Variants in ANO3 observed in about 807,000 individuals in gnomAD.
ANO3 encodes anoctamin 3, also known as anoctamin-3.
In ANO3, 99 loss-of-function variants were observed where a neutral mutation model predicts 144.8. The observed-to-expected ratio is 0.68, with a 90% CI of 0.58 to 0.81. ANO3 has a LOEUF of 0.81. ANO3 is among the 30% of genes least tolerant of loss of function. The probability of loss-of-function intolerance (pLI) is 0.00; values close to 1 mark genes in which losing one functional copy is unlikely to be tolerated. For missense variants in ANO3, 905 were observed against 1,202.2 expected (o/e 0.75, Z 3.66); for synonymous variants, 414 against 392.6 (o/e 1.05, Z -0.64).
chr11:26,265,378 A>G (rs1853286568), intron 1 of ANO3, among the ~76,000 whole-genome samples: 1 of 152,198 alleles, frequency 6.6e-6, no homozygotes, highest in Non-Finnish European at 1.5e-5. Flanking sequence ...GACAAGTACT[A>G]GCTATGTCCT....
At chr11:26,279,855 G>T (rs1853640728) in intron 1 of ANO3, among the ~76,000 whole-genome samples, 1 of 152,080 alleles carries the variant, frequency 6.6e-6, no homozygotes, top group African/African-American at 2.4e-5. Context: ...GAATAGGATG[G>T]GAGTAGAATA....
rs561278004 is a variant in ANO3, at chr11:26,438,066, A to G, written c.47-3852A>G. On this transcript the variant is annotated intron_variant, in intron 1 of 26. Coordinates refer to ENST00000256737, the MANE Select transcript of ANO3 (RefSeq NM_031418.4). ...AAAAATAATAAACTGGAAAGTGAGT[A>G]GTACATTCTTAACTTGAAAAAATAT... 4.6e-5 allele frequency among the ~76,000 whole-genome samples: 7 copies of G among 152,312 alleles called. No homozygotes were observed. In the South Asian group the frequency reaches 1.4e-3, roughly 32 times the overall value.
Position 26,635,016 on chromosome 11 carries a change from C to A in ANO3, c.1989C>A (p.Phe663Leu). 6.2e-7 allele frequency: 1 copy of A among 1,612,448 alleles called. No homozygotes were observed. Among genetic ancestry groups the A allele is most frequent in the Non-Finnish European group, 8.5e-7 (1 of 1,178,786 alleles). ...GAACTAAAATGTCTTCTTACAGATTCGTAGGCCACCCAGGAAAATACAATA... is the reference window on the plus strand; with the variant it reads ...GAACTAAAATGTCTTCTTACAGATTAGTAGGCCACCCAGGAAAATACAATA... ...IFYIAFFLGR[F>L]VGHPGKYNKL... Residue 663 changes from phenylalanine to leucine, a missense_variant, in exon 20 of 27, where the codon TTC (phenylalanine) becomes TTA (leucine). This residue lies in a region of ANO3 where 597 missense variants were observed against 865.1 expected (regional missense o/e 0.69). Coordinates refer to ENST00000256737, the MANE Select transcript of ANO3 (RefSeq NM_031418.4).
At chr11:26,605,301 C>A (rs1183017259) in intron 17 of ANO3, among the ~76,000 whole-genome samples, 1 of 152,138 alleles carries the variant, frequency 6.6e-6, no homozygotes, top group African/African-American at 2.4e-5. Flanking sequence ...TTTTGATGTG[C>A]TGCTGGATTC....
At chr11:26,521,878 G>A (rs1862090919) in intron 6 of ANO3, among the ~76,000 whole-genome samples, 1 of 152,122 alleles carries the variant, frequency 6.6e-6, no homozygotes. Flanking sequence ...CAAATTTGGG[G>A]CTATATTTGT....
In ANO3 at chr11:26,550,629, G is replaced by A. The variant is rs183989919; in HGVS notation, c.1290-2620G>A. Among the ~76,000 whole-genome samples the A allele has an allele frequency of 1.3e-3, 195 of 151,870 alleles. 1 individual carries two copies. Among genetic ancestry groups the A allele is most frequent in the African/African-American group, 4.4e-3 (183 of 41,472 alleles). ...TTCTTTTCTAAGACCAAATAATATT[G>A]CATTACACATATATACCACATTTTC... is the stretch of plus-strand genomic sequence containing the variant. On this transcript the variant is annotated intron_variant, in intron 12 of 26. Coordinates refer to ENST00000256737, the MANE Select transcript of ANO3 (RefSeq NM_031418.4).
intron 1 of ANO3, among the ~76,000 whole-genome samples, chr11:26,411,577 TA>T (rs1187358660): frequency 6.6e-6 from 1 of 151,908 alleles, no homozygotes; most frequent in Non-Finnish European, 1.5e-5. Context: ...TCAAAACACT[TA>T]GGAATATGCT....
intron 1 of ANO3, among the ~76,000 whole-genome samples, chr11:26,212,009 G>A (rs1420437486): frequency 3.9e-5 from 6 of 152,084 alleles, no homozygotes; most frequent in African/African-American, 1.4e-4. Context: ...GTTGAACAAT[G>A]AGAACACATA....
chr11:26,557,993 C>A (rs1850138955), intron 13 of ANO3, among the ~76,000 whole-genome samples: 1 of 152,164 alleles, frequency 6.6e-6, no homozygotes, highest in Non-Finnish European at 1.5e-5. Context: ...AATGCTCCTT[C>A]TAGCTTTATC....
At chr11:26,263,019 T>G (rs970816874) in intron 1 of ANO3, among the ~76,000 whole-genome samples, 4 of 152,234 alleles carry the variant, frequency 2.6e-5, no homozygotes, top group African/African-American at 9.6e-5. Flanking sequence ...GTCTGTGTTC[T>G]TATTTTCATC....
chr11:26,291,471 TG>T (rs1853955003), intron 1 of ANO3, among the ~76,000 whole-genome samples: 1 of 152,210 alleles, frequency 6.6e-6, no homozygotes, highest in Admixed American at 6.5e-5. Context: ...CTAGTTATTT[TG>T]TTTGTTAGTT....
At chr11:26,521,849 A>G (rs1380343496) in intron 6 of ANO3, among the ~76,000 whole-genome samples, 1 of 152,184 alleles carries the variant, frequency 6.6e-6, no homozygotes, top group African/African-American at 2.4e-5. Flanking sequence ...TCTTTCTCCC[A>G]CAAATATTTT....
intron 4 of ANO3, among the ~76,000 whole-genome samples, chr11:26,498,590 A>G (rs1180694331): frequency 1.3e-5 from 2 of 150,850 alleles, no homozygotes; most frequent in South Asian, 2.1e-4. Flanking sequence ...ATCAAAAACC[A>G]TATTATAAGA....
intron 9 of ANO3, among the ~76,000 whole-genome samples, chr11:26,536,691 A>G (rs1251187267): frequency 2.0e-5 from 3 of 152,156 alleles, no homozygotes; most frequent in Non-Finnish European, 4.4e-5. Context: ...AAATAGCTGT[A>G]CAATATTCCA....
At chr11:26,413,901 TAC>T (rs1361309411) in intron 1 of ANO3, among the ~76,000 whole-genome samples, 1 of 152,048 alleles carries the variant, frequency 6.6e-6, no homozygotes, top group Non-Finnish European at 1.5e-5. Flanking sequence ...TTAAATTAAG[TAC>T]AGTCAACATA....
chr11:26,240,125 T>C (rs1161983435), intron 1 of ANO3, among the ~76,000 whole-genome samples: 1 of 152,198 alleles, frequency 6.6e-6, no homozygotes. Flanking sequence ...ATCAAAATAA[T>C]AATAGTATTC....
At chr11:26,490,911 G>C (rs1307560508) in intron 4 of ANO3, among the ~76,000 whole-genome samples, 1 of 152,176 alleles carries the variant, frequency 6.6e-6, no homozygotes, top group Admixed American at 6.5e-5. Context: ...TGCCGAATCT[G>C]TTTGCTTTTT....
At chr11:26,525,723 T>C in intron 7 of ANO3, 44 bp downstream of exon 7, 1 of 1,491,842 alleles carries the variant, frequency 6.7e-7, no homozygotes, top group South Asian at 1.2e-5. Context: ...ATTTGTCGTT[T>C]TGAAAAAAAT....
At chr11:26,246,721 G>T (rs1321448601) in intron 1 of ANO3, among the ~76,000 whole-genome samples, 1 of 152,008 alleles carries the variant, frequency 6.6e-6, no homozygotes, top group Non-Finnish European at 1.5e-5. Context: ...GAGACGTGGT[G>T]GGAGGTAATT....
Sources: gnomAD v4.1 joint callset for allele counts (sites outside exome capture counted in the v4.1 genomes callset) on GRCh38, gnomAD v4.1.1 for gene constraint, gnomAD v4.1.1 regional missense constraint, MANE v1.5 for transcripts, NCBI Gene and HGNC (gene_info 2026-07-23, HGNC 2026-07-21) for gene names.